The following GRIN2A variants were observed in gnomAD, a reference collection of about 807,000 sequenced individuals.
The protein encoded by GRIN2A is glutamate receptor ionotropic, NMDA 2A.
In GRIN2A, 22 loss-of-function variants were observed where a neutral mutation model predicts 113.4. The ratio of observed to expected loss-of-function variants is 0.19; its 90% CI spans 0.14 to 0.28. GRIN2A has a LOEUF of 0.28. Ranked by LOEUF, GRIN2A falls within the 10% of genes least tolerant of loss-of-function variation. The probability of loss-of-function intolerance (pLI) is 1.00; values close to 1 mark genes in which losing one functional copy is unlikely to be tolerated. For missense variants in GRIN2A, 1,502 were observed against 1,887.0 expected (o/e 0.80, Z 3.78); for synonymous variants, 827 against 738.4 (o/e 1.12, Z -1.94).
chr16:9,943,482 C>T (rs1267293649), intron 2 of GRIN2A, among the ~76,000 whole-genome samples: 1 of 152,176 alleles, frequency 6.6e-6, no homozygotes, highest in African/African-American at 2.4e-5. Flanking sequence ...CAGGGTGACA[C>T]CTGACTCCAT....
At chr16:9,782,373 T>G (rs962089590) in intron 11 of GRIN2A, among the ~76,000 whole-genome samples, 4 of 152,196 alleles carry the variant, frequency 2.6e-5, no homozygotes, top group African/African-American at 9.7e-5. Flanking sequence ...TCCACAGATT[T>G]TGGTGTCTGT....
intron 11 of GRIN2A, among the ~76,000 whole-genome samples, chr16:9,786,962 C>T (rs1034527094): frequency 1.3e-5 from 2 of 152,288 alleles, no homozygotes; most frequent in African/African-American, 2.4e-5. Flanking sequence ...AAAGTCTTGT[C>T]AGAGGGGTTT....
intron 2 of GRIN2A, among the ~76,000 whole-genome samples, chr16:10,011,821 C>G (rs116735327): frequency 2.7e-4 from 41 of 152,294 alleles, no homozygotes; most frequent in African/African-American, 9.9e-4. Context: ...TGATGCCTGT[C>G]CAAACCCCTG....
At chr16:9,910,291 G>A (rs2044108143) in intron 3 of GRIN2A, among the ~76,000 whole-genome samples, 1 of 152,124 alleles carries the variant, frequency 6.6e-6, no homozygotes, top group Non-Finnish European at 1.5e-5. Context: ...GGTGATGGTT[G>A]TACAACATTG....
chr16:9,773,637 G>A (rs1007587230), intron 11 of GRIN2A, among the ~76,000 whole-genome samples: 14 of 152,180 alleles, frequency 9.2e-5, no homozygotes, highest in African/African-American at 4.8e-5. Flanking sequence ...TGGTCCCCAT[G>A]TAGCACTCAA....
intron 11 of GRIN2A, among the ~76,000 whole-genome samples, chr16:9,792,778 T>C (rs1902695974): frequency 2.6e-5 from 4 of 152,172 alleles, no homozygotes; most frequent in Admixed American, 2.6e-4. Flanking sequence ...AAGAAGAAGA[T>C]TAAACGCTTC....
chr16:10,126,203 C>A (rs1046131709), intron 2 of GRIN2A, among the ~76,000 whole-genome samples: 5 of 151,178 alleles, frequency 3.3e-5, no homozygotes, highest in Non-Finnish European at 5.9e-5. Context: ...CGCTCTGTCG[C>A]CCAGGCTGGA....
intron 3 of GRIN2A, among the ~76,000 whole-genome samples, chr16:9,913,568 G>A (rs1433143878): frequency 6.6e-6 from 1 of 152,172 alleles, no homozygotes; most frequent in Non-Finnish European, 1.5e-5. Flanking sequence ...AGTGCTGGGT[G>A]TTTAACATAA....
At chr16:9,829,767 A>G in intron 8 of GRIN2A, 115 bp from the exon 9 acceptor site, 1 of 732,580 alleles carries the variant, frequency 1.4e-6, no homozygotes, top group South Asian at 1.5e-5. Context: ...ATGGAATTAT[A>G]TCATAGTTGT....
rs1900354367 is a variant in GRIN2A at position 9,756,500 on chromosome 16, C to G, written c.*6649G>C. Reference sequence around the variant, plus strand: ...CAAAAGAGCACACCTCTCTTTCTGACTTCTATTCTGACCTCCCTGGAGGAG... The same window carrying G: ...CAAAAGAGCACACCTCTCTTTCTGAGTTCTATTCTGACCTCCCTGGAGGAG... On this transcript the variant is annotated 3_prime_UTR_variant, in exon 13 of 13. Transcript: ENST00000330684. The G allele has an allele frequency of 4.5e-6, 1 of 223,352 alleles. No individual in the cohort carries two copies. The highest frequency in any genetic ancestry group is 6.4e-5 in the East Asian group (1 of 15,512). 13.8% of individuals were successfully genotyped at this position (223,352 alleles called of 1,614,324 possible). A position where few individuals can be genotyped will look rare whatever the true frequency, so the allele number is the denominator to read the frequency against.
Position 9,840,668 on chromosome 16 carries a change from C to T in GRIN2A, c.1630G>A (p.Val544Ile), listed in dbSNP as rs2141342055. 1 of 1,613,746 alleles carries T rather than the reference C, an allele frequency of 6.2e-7. No homozygotes were observed. Among genetic ancestry groups the T allele is most frequent in the Non-Finnish European group, 8.5e-7 (1 of 1,179,792 alleles). ...ACACCTAGAAAAGCAGAAGGTGAGA[C>T]GGTGCCATTACTTCTTGAAACCATG... ...SVMVSRSNGT[V>I]SPSAFLEPFS... The change falls in exon 7 of 13, where the codon GTC becomes ATC. Residue 544 changes from valine to isoleucine, a missense_variant. Transcript: ENST00000330684.
At chr16:10,063,889 G>C (rs2047596587) in intron 2 of GRIN2A, among the ~76,000 whole-genome samples, 1 of 152,064 alleles carries the variant, frequency 6.6e-6, no homozygotes, top group African/African-American at 2.4e-5. Context: ...CCTCTTCCCA[G>C]GCTCCCCTGA....
intron 2 of GRIN2A, among the ~76,000 whole-genome samples, chr16:10,058,156 G>A (rs532654853): frequency 1.3e-5 from 2 of 152,226 alleles, no homozygotes; most frequent in African/African-American, 4.8e-5. Flanking sequence ...TTGGGAGGCT[G>A]AGGCGGGAGA....
At chr16:9,785,061 C>T (rs898620186) in intron 11 of GRIN2A, among the ~76,000 whole-genome samples, 25 of 152,170 alleles carry the variant, frequency 1.6e-4, no homozygotes, top group African/African-American at 5.8e-4. Flanking sequence ...ACTAGAAATA[C>T]CATTTGAGCC....
At chr16:10,050,833 A>G (rs928351282) in intron 2 of GRIN2A, among the ~76,000 whole-genome samples, 4 of 152,152 alleles carry the variant, frequency 2.6e-5, no homozygotes, top group African/African-American at 9.7e-5. Flanking sequence ...CTGAGAGTTT[A>G]CAGAGGAGCA....
At chr16:9,766,444 G>C (rs1900928178) in intron 12 of GRIN2A, among the ~76,000 whole-genome samples, 1 of 152,188 alleles carries the variant, frequency 6.6e-6, no homozygotes, top group African/African-American at 2.4e-5. Flanking sequence ...AGTTTGAGCT[G>C]CTCTTTCTCT....
chr16:9,940,314 T>A (rs1024080625), intron 2 of GRIN2A, among the ~76,000 whole-genome samples: 14 of 152,158 alleles, frequency 9.2e-5, no homozygotes, highest in Non-Finnish European at 1.6e-4. Flanking sequence ...CAAGAATAAA[T>A]GTCTTCTGGG....
chr16:9,935,594 T>C (rs955272528), intron 3 of GRIN2A, among the ~76,000 whole-genome samples: 1 of 150,022 alleles, frequency 6.7e-6, no homozygotes, highest in Non-Finnish European at 1.5e-5. Context: ...ACCTCTGAAC[T>C]GTAGCAGATT....
intron 8 of GRIN2A, among the ~76,000 whole-genome samples, chr16:9,830,923 T>G (rs2042481291): frequency 6.6e-6 from 1 of 152,210 alleles, no homozygotes; most frequent in Non-Finnish European, 1.5e-5. Flanking sequence ...ACGATTTAGT[T>G]TTTTTAGGGA....
Sources: gnomAD v4.1 joint callset for allele counts (sites outside exome capture counted in the v4.1 genomes callset) on GRCh38, gnomAD v4.1.1 for gene constraint, MANE v1.5 for transcripts, NCBI Gene and HGNC (gene_info 2026-07-23, HGNC 2026-07-21) for gene names.